RNASEH2B: variants seen among roughly 807,000 people sequenced by gnomAD.
RNASEH2B encodes the protein ribonuclease H2 subunit B.
In RNASEH2B, 36 loss-of-function variants were observed where a neutral mutation model predicts 45.0. The ratio of observed to expected loss-of-function variants is 0.80; its 90% CI spans 0.61 to 1.06. RNASEH2B has a LOEUF of 1.06. Ranked by LOEUF, RNASEH2B falls within the 50% of genes least tolerant of loss-of-function variation. The probability of loss-of-function intolerance (pLI) is 0.00; values close to 1 mark genes in which losing one functional copy is unlikely to be tolerated. For synonymous variants in RNASEH2B, 119 were observed against 125.7 expected (o/e 0.95, Z 0.35); for missense variants, 361 against 360.3 (o/e 1.00, Z -0.02).
intron 1 of RNASEH2B, among the ~76,000 whole-genome samples, chr13:50,924,233 T>C (rs541838789): frequency 2.6e-5 from 4 of 152,262 alleles, no homozygotes; most frequent in African/African-American, 7.2e-5. Context: ...AAGGCAGAGA[T>C]TGGCAGAATG....
chr13:50,935,352 A>T (rs1161801073), intron 5 of RNASEH2B: 1 of 304,640 alleles, frequency 3.3e-6, no homozygotes, highest in Non-Finnish European at 6.3e-6. Context: ...ACCTTAATAG[A>T]TGGAAGCATT....
chr13:50,968,836 A>G (rs1382476097), intron 9 of RNASEH2B, among the ~76,000 whole-genome samples: 1 of 152,216 alleles, frequency 6.6e-6, no homozygotes, highest in Admixed American at 6.5e-5. Context: ...TGTTATTTTG[A>G]TGGTCTCAGG....
intron 1 of RNASEH2B, chr13:50,911,607 ACAAG>A (rs1435840774): frequency 6.6e-6 from 1 of 152,188 alleles, no homozygotes; most frequent in Non-Finnish European, 1.5e-5. Context: ...TTATATTCCC[ACAAG>A]CAGTGTATGA....
At position 50,966,311 on chromosome 13, in the gene RNASEH2B, G is replaced by A. The variant is rs112461105; in HGVS notation, c.742-3621G>A. Among the ~76,000 whole-genome samples, 316 of 152,248 alleles carry A rather than the reference G, an allele frequency of 2.1e-3. 2 individuals carry two copies. The highest frequency in any genetic ancestry group is 7.0e-3 in the African/African-American group (290 of 41,532). On this transcript the variant is annotated intron_variant, in intron 9 of 9. Coordinates refer to the RNASEH2B transcript ENST00000422660. Reference sequence around the variant, plus strand: ...CTTTAGAATTCTTTAAGGAATTTCAGACTAGAGCCTTTTTAGACTCTTGTA... The same window carrying A: ...CTTTAGAATTCTTTAAGGAATTTCAAACTAGAGCCTTTTTAGACTCTTGTA...
downstream of RNASEH2B, among the ~76,000 whole-genome samples, chr13:50,957,295 A>G (rs1952064811): frequency 6.6e-6 from 1 of 152,104 alleles, no homozygotes; most frequent in Non-Finnish European, 1.5e-5. Context: ...TGCCATCTTT[A>G]AGTCCATTTG....
chr13:50,948,200 T>C, intron 8 of RNASEH2B, 132 bp downstream of exon 8: 1 of 1,438,570 alleles, frequency 7.0e-7, no homozygotes, highest in Non-Finnish European at 9.3e-7. Flanking sequence ...GTCATATACT[T>C]TGTGCTTTGG....
chr13:50,913,268 T>A (rs1330646479), intron 1 of RNASEH2B: 1 of 152,258 alleles, frequency 6.6e-6, no homozygotes, highest in African/African-American at 2.4e-5. Context: ...TTTCCATCCC[T>A]CTTTTTCTGC....
intron 4 of RNASEH2B, among the ~76,000 whole-genome samples, chr13:50,931,069 A>G (rs1019452843): frequency 6.6e-6 from 1 of 152,192 alleles, no homozygotes; most frequent in African/African-American, 2.4e-5. Context: ...ATCATTAAGT[A>G]TTCCTTACAC....
At chr13:50,928,669 T>G (rs1372419641) in intron 2 of RNASEH2B, among the ~76,000 whole-genome samples, 2 of 152,214 alleles carry the variant, frequency 1.3e-5, no homozygotes, top group Non-Finnish European at 2.9e-5. Context: ...TTAGGAAATT[T>G]ACATGTGTTC....
intron 5 of RNASEH2B, chr13:50,938,151 A>ATTT (rs1951782673): frequency 6.6e-6 from 1 of 152,256 alleles, no homozygotes; most frequent in Non-Finnish European, 1.5e-5. Flanking sequence ...TGGATAATGG[A>ATTT]ATAAAAACAT....
intron 6 of RNASEH2B, among the ~76,000 whole-genome samples, chr13:50,944,633 TAATAATA>T (rs1951878288): frequency 6.6e-6 from 1 of 151,948 alleles, no homozygotes; most frequent in Admixed American, 6.5e-5. Context: ...TAAAAATAAA[TAATAATA>T]AATAATAAAT....
intron 1 of RNASEH2B, chr13:50,921,206 G>A (rs1951519601): frequency 6.6e-6 from 1 of 152,190 alleles, no homozygotes; most frequent in South Asian, 2.1e-4. Flanking sequence ...GAGAGGTTGA[G>A]TATCTTGCAC....
At chr13:50,948,440 A>C (rs1482358765) in intron 8 of RNASEH2B, 1 of 174,448 alleles carries the variant, frequency 5.7e-6, no homozygotes, top group Non-Finnish European at 1.2e-5. Context: ...TTAATTTACA[A>C]AATATTGATA....
chr13:50,909,942 C>T lies in RNASEH2B; in HGVS notation c.-135C>T. The stretch of plus-strand genomic sequence containing the variant: ...AACGAAACGAAATTCGGTCCCTGGG[C>T]CTCCTCCCGGGCGCTGCCGGTCCCT... On this transcript the variant is annotated 5_prime_UTR_variant, in exon 1 of 11. Coordinates refer to ENST00000336617, the MANE Select transcript of RNASEH2B (RefSeq NM_024570.4). 1.6e-6 allele frequency: 1 copy of T among 625,086 alleles called. No homozygotes were observed. Among genetic ancestry groups the T allele is most frequent in the Non-Finnish European group, 2.5e-6 (1 of 392,960 alleles). The allele number at this position is 625,086 out of a possible 1,614,324, so 38.7% of individuals were successfully genotyped here.
At chr13:50,936,315 A>T (rs1261751927) in intron 5 of RNASEH2B, 1 of 152,214 alleles carries the variant, frequency 6.6e-6, no homozygotes, top group Non-Finnish European at 1.5e-5. Flanking sequence ...CATCAGGCTG[A>T]TAAGTTGTGG....
chr13:50,924,496 A>G (rs188596107), intron 1 of RNASEH2B, among the ~76,000 whole-genome samples: 24 of 152,362 alleles, frequency 1.6e-4, no homozygotes, highest in Admixed American at 1.6e-3. Context: ...ACCCAATGAC[A>G]GAGCCCCAAA....
At chr13:50,933,407 G>A (rs774308525) in intron 4 of RNASEH2B, among the ~76,000 whole-genome samples, 4 of 152,096 alleles carry the variant, frequency 2.6e-5, no homozygotes, top group Admixed American at 6.5e-5. Flanking sequence ...TTAAACCGTC[G>A]TACTTCCCAA....
chr13:50,922,687 G>A (rs73186369), intron 1 of RNASEH2B, among the ~76,000 whole-genome samples: 10,231 of 152,294 alleles, frequency 0.067, 350 homozygotes, highest in Middle Eastern at 0.2. Flanking sequence ...GGAGTTGGGA[G>A]AGGAGAGTCT....
intron 9 of RNASEH2B, among the ~76,000 whole-genome samples, chr13:50,969,515 G>T (rs1202606568): frequency 1.8e-5 from 2 of 109,322 alleles, no homozygotes; most frequent in African/African-American, 4.1e-5. Flanking sequence ...AAAAGGAACT[G>T]CCTCTACAAA....
Sources: gnomAD v4.1 joint callset for allele counts (sites outside exome capture counted in the v4.1 genomes callset) on GRCh38, gnomAD v4.1.1 for gene constraint, MANE v1.5 for transcripts, NCBI Gene and HGNC (gene_info 2026-07-23, HGNC 2026-07-21) for gene names.